Variants in GYS1 observed in about 807,000 individuals in gnomAD.
GYS1 encodes glycogen [starch] synthase, muscle.
Under a neutral mutation model 89.1 loss-of-function variants are expected in GYS1, and 60 were observed. The ratio of observed to expected loss-of-function variants is 0.67; its 90% confidence interval spans 0.55 to 0.84. The LOEUF is 0.84. GYS1 is among the 40% of genes least tolerant of loss of function. GYS1 has a pLI of 0.00. For missense variants in GYS1, 888 were observed against 1,003.1 expected, an observed-to-expected ratio of 0.89 and a Z score of 1.55; for synonymous variants, 366 against 401.7, an observed-to-expected ratio of 0.91 and a Z score of 1.06.
chr19:48,992,936 CCG>C (rs1407868277), intron 1 of GYS1, 57 bp downstream of exon 1: 4 of 956,314 alleles, frequency 4.2e-6, no homozygotes, highest in African/African-American at 1.6e-5. Flanking sequence ...ACTCAGAGTT[CCG>C]GGCCCCCATC....
At chr19:48,990,007 G>C (rs1168455628) in intron 2 of GYS1, among the ~76,000 whole-genome samples, 1 of 150,378 alleles carries the variant, frequency 6.6e-6, no homozygotes, top group Non-Finnish European at 1.5e-5. Context: ...CTGGGGGGGG[G>C]GGGGGGCTAT....
At chr19:48,976,280 T>G (rs772755216) in intron 10 of GYS1, among the ~76,000 whole-genome samples, 27 of 152,120 alleles carry the variant, frequency 1.8e-4, no homozygotes, top group Non-Finnish European at 2.9e-4. Flanking sequence ...CCCCAGGAAA[T>G]GGCTCCCCAA....
chr19:48,978,036 G>C, intron 9 of GYS1, 34 bp from the exon 10 acceptor site: 2 of 1,608,772 alleles, frequency 1.2e-6, no homozygotes, highest in Non-Finnish European at 1.7e-6. Flanking sequence ...ATGTGAGAAC[G>C]GAGTAATGAG....
intron 3 of GYS1, among the ~76,000 whole-genome samples, chr19:48,986,957 C>T (rs974821405): frequency 2.0e-5 from 3 of 152,248 alleles, no homozygotes; most frequent in Non-Finnish European, 4.4e-5. Context: ...GCCCGCCAGC[C>T]TCACTTTGAG....
intron 3 of GYS1, 127 bp downstream of exon 3, chr19:48,987,067 G>A (rs945295070): frequency 1.3e-5 from 10 of 742,684 alleles, no homozygotes; most frequent in African/African-American, 1.2e-4. Flanking sequence ...TCAAAGGCCA[G>A]AGCTAATCCT....
At chr19:48,983,703 A>C (rs938050915) in intron 5 of GYS1, among the ~76,000 whole-genome samples, 38 of 152,010 alleles carry the variant, frequency 2.5e-4, no homozygotes, top group African/African-American at 8.7e-4. Context: ...CTGAGAACGG[A>C]TACTAAGGGC....
chr19:48,984,812 C>T (rs1053898114), intron 5 of GYS1, among the ~76,000 whole-genome samples: 1 of 151,812 alleles, frequency 6.6e-6, no homozygotes, highest in Non-Finnish European at 1.5e-5. Context: ...ACCTGGGAGG[C>T]GGAGCTTACA....
At position 48,969,278 on chromosome 19, in the gene GYS1, T is replaced by G. The variant is rs1248117683; in HGVS notation, c.*10A>C. The G allele has an allele frequency of 2.6e-6, 4 of 1,531,834 alleles. No homozygotes were observed. The highest frequency in any genetic ancestry group is 2.6e-6 in the Non-Finnish European group (3 of 1,145,208). The allele number at this position is 1,531,834 out of a possible 1,614,324, so 94.9% of individuals were successfully genotyped here. A position where few individuals can be genotyped will look rare whatever the true frequency, so the allele number is the denominator to read the frequency against. On this transcript the variant is annotated 3_prime_UTR_variant, in exon 16 of 16. Transcript: ENST00000323798. ...GAGGCAGGACAGGCGGGGAGTGTGG[T>G]GGGGCGGACTTAGTTACGCTCCTCG... is the stretch of plus-strand genomic sequence containing the variant.
chr19:48,989,699 C>T (rs1055241773), intron 2 of GYS1, among the ~76,000 whole-genome samples: 3 of 151,988 alleles, frequency 2.0e-5, no homozygotes, highest in Non-Finnish European at 4.4e-5. Context: ...TGCTGGGATT[C>T]CAGGCATGAG....
chr19:48,969,488 C>G lies in GYS1; in HGVS notation c.2014G>C (p.Gly672Arg). The G allele has an allele frequency of 6.5e-7, 1 of 1,545,046 alleles. No individual in the cohort carries two copies. The highest frequency in any genetic ancestry group is 8.7e-7 in the Non-Finnish European group (1 of 1,146,880). Reference protein sequence around the residue: ...DPRNGPLEEDGERYDEDEEAA... With the variant: ...DPRNGPLEEDRERYDEDEEAA... ...TCCTCGTCCTCATCGTAGCGCTCGC[C>G]GTCTTCCTCCAGCGGCCCGTTCCGG... The change falls in exon 16 of 16, where the codon GGC becomes CGC. Residue 672 changes from glycine to arginine, a missense_variant. Physicochemically the swap from Gly to Arg is moderately radical, Grantham distance 125. Transcript: ENST00000323798.
chr19:48,974,529 TA>T, intron 11 of GYS1, 90 bp downstream of exon 11: 1 of 1,062,776 alleles, frequency 9.4e-7, no homozygotes, highest in Non-Finnish European at 1.4e-6. Context: ...ATACCTTTGA[TA>T]AAACTTATAG....
rs763358013 is a variant in GYS1, at chr19:48,969,831, C to G, written c.1834G>C (p.Ala612Pro). The change falls in exon 15 of 16, where the codon GCG becomes CCG. Residue 612 changes from alanine to proline, a missense_variant. By Grantham distance (27) the Ala-to-Pro change is conservative. Transcript: ENST00000323798. ...TGCTCTGGAAAGGCCTTGGACAGCG[C>G]CATGTGGCGCGCAGACATATAGTAC... ...GRYYMSARHM[A>P]LSKAFPEHFT... 1.9e-6 allele frequency: 3 copies of G among 1,613,680 alleles called. No homozygotes were observed. Among genetic ancestry groups the G allele is most frequent in the African/African-American group, 1.3e-5 (1 of 74,920 alleles).
rs971609889 is a variant in GYS1, at chr19:48,969,812, G to A, written c.1853C>T (p.Pro618Leu). Residue 618 changes from proline to leucine, a missense_variant, in exon 15 of 16, where the codon CCA becomes CTA. Pro to Leu is a moderately conservative substitution (Grantham distance 98, BLOSUM62 -3). Transcript: ENST00000323798. Reference protein sequence around the residue: ...ARHMALSKAFPEHFTYEPNEA... With the variant: ...ARHMALSKAFLEHFTYEPNEA... ...GTTGGGCTCGTAGGTGAAGTGCTCT[G>A]GAAAGGCCTTGGACAGCGCCATGTG... 1 of 1,613,972 alleles carries A rather than the reference G, an allele frequency of 6.2e-7. No individual in the cohort carries two copies. The highest frequency in any genetic ancestry group is 8.5e-7 in the Non-Finnish European group (1 of 1,179,944).
chr19:48,981,555 C>T lies in GYS1; in HGVS notation c.1144G>A (p.Gly382Ser), dbSNP rs1172290122. ...TNNFNVETLK[G>S]QAVRKQLWDT... ...CAAAGCTGTTTGCGCACAGCTTGGCCTTTGAGGGTTTCCACGTTGAAATTG... is the reference window on the plus strand; with the variant it reads ...CAAAGCTGTTTGCGCACAGCTTGGCTTTTGAGGGTTTCCACGTTGAAATTG... Residue 382 changes from glycine (G) to serine (S), a missense_variant, in exon 8 of 16, where the codon GGC becomes AGC. Transcript: ENST00000323798. The T allele has an allele frequency of 6.2e-7, 1 of 1,612,492 alleles. No individual in the cohort carries two copies. The highest frequency in any genetic ancestry group is 1.1e-5 in the South Asian group (1 of 91,042).
rs1309329456 is a variant in GYS1 at position 48,969,418 on chromosome 19, C to T, written c.2084G>A (p.Arg695His). ...RRNIRAPEWP[R>H]RASCTSSTSG... ...GGTGGAGGAGGTGCAGGACGCTCGG[C>T]GCGGCCACTCTGGTGCACGGATGTT... The change falls in exon 16 of 16, where the codon CGC becomes CAC. Residue 695 changes from arginine to histidine, a missense_variant. By Grantham distance (29) the Arg-to-His change is conservative (BLOSUM62 0). Transcript: ENST00000323798. 2 of 1,548,054 alleles carry T rather than the reference C, an allele frequency of 1.3e-6. No homozygotes were observed. The highest frequency in any genetic ancestry group is 1.7e-6 in the Non-Finnish European group (2 of 1,149,570).
intron 1 of GYS1, 71 bp downstream of exon 1, chr19:48,992,924 C>T: frequency 1.1e-6 from 1 of 889,020 alleles, no homozygotes; most frequent in Non-Finnish European, 1.9e-6. Flanking sequence ...CGTCCTCCTA[C>T]AACTCAGAGT....
intron 10 of GYS1, among the ~76,000 whole-genome samples, chr19:48,976,457 A>AT (rs1568619164): frequency 6.6e-6 from 1 of 152,050 alleles, no homozygotes; most frequent in Non-Finnish European, 1.5e-5. Flanking sequence ...GTAAGTTCTC[A>AT]TTTTATAAAT....
In GYS1 at chr19:48,970,646, A is replaced by C; in HGVS notation, c.1709T>G (p.Phe570Cys). Residue 570 changes from phenylalanine (F) to cysteine (C), a missense_variant, in exon 14 of 16, where the codon TTC becomes TGC. Physicochemically the swap from Phe to Cys is radical, Grantham distance 205. Coordinates refer to ENST00000323798, the MANE Select transcript of GYS1 (RefSeq NM_002103.5). ...GCTCTGCTGACAGAAACTGTAGAGG[A>C]AGGAGGTGAGCTGCGAGCAGGAATC... ...LDDSCSQLTS[F>C]LYSFCQQSRR... is the part of the protein sequence containing the mutation. 1 of 1,613,932 alleles carries C rather than the reference A, an allele frequency of 6.2e-7. No individual in the cohort carries two copies. Among genetic ancestry groups the C allele is most frequent in the Non-Finnish European group, 8.5e-7 (1 of 1,179,922 alleles).
At chr19:48,970,143 A>C (rs1328337481) in intron 14 of GYS1, 6 of 508,190 alleles carry the variant, frequency 1.2e-5, no homozygotes, top group East Asian at 3.6e-5. Context: ...TTTCTTTTTA[A>C]ACACGGTCTT....
Sources: gnomAD v4.1 joint callset for allele counts (sites outside exome capture counted in the v4.1 genomes callset) on GRCh38, gnomAD v4.1.1 for gene constraint, MANE v1.5 for transcripts, NCBI Gene and HGNC (gene_info 2026-07-23, HGNC 2026-07-21) for gene names.